The following BAIAP3 variants were observed in gnomAD, a reference collection of about 807,000 sequenced individuals.
BAIAP3 encodes BAI1 associated protein 3.
A neutral mutation model predicts 149.7 loss-of-function variants in BAIAP3; 180 were observed. That is an observed-to-expected ratio of 1.20 (90% CI 1.07 to 1.36). BAIAP3 has a LOEUF of 1.36. BAIAP3 is among the 40% of genes most tolerant of loss of function. The pLI is 0.00. For synonymous variants in BAIAP3, 845 were observed against 670.7 expected, an observed-to-expected ratio of 1.26 and a Z score of -4.02; for missense variants, 1,767 against 1,563.4, an observed-to-expected ratio of 1.13 and a Z score of -2.20.
chr16:1,339,270 G>A (rs1243041917), intron 4 of BAIAP3, 26 bp downstream of exon 4: 1 of 1,549,088 alleles, frequency 6.5e-7, no homozygotes. Context: ...GGAACCAGGG[G>A]CAGTCGTCTG....
rs1480091974 is a variant in BAIAP3, at chr16:1,342,935, G to T, written c.1184G>T (p.Gly395Val). Residue 395 changes from glycine to valine, a missense_variant, in exon 14 of 34, where the codon GGA (glycine) becomes GTA (valine). Transcript: ENST00000426824. The part of the protein sequence containing the change: ...AEEPNSSSWR[G>V]ELSTPAATIL... ...CAGCCCAACTCCAGCAGCTGGCGAG[G>T]AGAGCTCAGCACACCAGCCGCCACC... 6.2e-7 allele frequency: 1 copy of T among 1,612,150 alleles called. No homozygotes were observed.
chr16:1,341,573 C>T, intron 8 of BAIAP3, 84 bp downstream of exon 8: 3 of 1,482,694 alleles, frequency 2.0e-6, no homozygotes, highest in South Asian at 2.6e-5. Context: ...TGGTGGCTCG[C>T]AGCAGCTCCC....
At chr16:1,347,001 G>A (rs781052449) in intron 28 of BAIAP3, 46 bp downstream of exon 28, 2 of 1,525,460 alleles carry the variant, frequency 1.3e-6, no homozygotes, top group South Asian at 1.2e-5. Context: ...CCGCCTCAGG[G>A]CTGCTCTGAT....
intron 1 of BAIAP3, among the ~76,000 whole-genome samples, chr16:1,335,910 C>T (rs371555234): frequency 1.3e-5 from 2 of 152,198 alleles, no homozygotes; most frequent in African/African-American, 2.4e-5. Context: ...CCCAGCCCTG[C>T]GCCTCCGTTT....
At chr16:1,343,552 G>A (rs1163842704) in intron 15 of BAIAP3, 39 bp downstream of exon 15, 2 of 1,599,024 alleles carry the variant, frequency 1.3e-6, no homozygotes, top group Non-Finnish European at 8.5e-7. Context: ...CCATGGCGAA[G>A]GGAGTGCTGG....
At chr16:1,339,053 C>T (rs1350326658) in intron 3 of BAIAP3, 64 bp downstream of exon 3, 4 of 1,605,338 alleles carry the variant, frequency 2.5e-6, no homozygotes, top group Middle Eastern at 1.7e-4. Context: ...TTTGCTCCTC[C>T]CCGCTCCCTC....
Position 1,341,870 on chromosome 16 carries a change from C to A in BAIAP3, c.776+4C>A. Reference sequence around the variant, plus strand: ...ACCAGCTGCACCTGGACATCTGGTACAGGCCCCTGCGCCATGCAGGGCGGC... The same window carrying A: ...ACCAGCTGCACCTGGACATCTGGTAAAGGCCCCTGCGCCATGCAGGGCGGC... On this transcript the variant is annotated splice_donor_region_variant and intron_variant, in intron 9 of 33. Transcript: ENST00000426824. The A allele has an allele frequency of 6.2e-7, 1 of 1,611,668 alleles. No individual in the cohort carries two copies. Among genetic ancestry groups the A allele is most frequent in the East Asian group, 2.2e-5 (1 of 44,842 alleles).
At position 1,344,477 on chromosome 16, in the gene BAIAP3, C is replaced by T. The variant is rs1239902011; in HGVS notation, c.1611C>T (p.Asn537=). ...GGTGGTGTCTGTTGCAGAGAGGCAA[C>T]CGTGAGTGGTACGACAGGATCCTGA... ...MDIAAALKRG[N]REWYDRILND... is the part of the protein sequence containing the mutation. The change falls in exon 18 of 34, where the codon AAC becomes AAT. Residue 537 remains asparagine, a synonymous_variant. Coordinates refer to ENST00000426824, the MANE Select transcript of BAIAP3 (RefSeq NM_001199097.2). 6.2e-7 allele frequency: 1 copy of T among 1,613,504 alleles called. No individual in the cohort carries two copies. Among genetic ancestry groups the T allele is most frequent in the South Asian group, 1.1e-5 (1 of 91,064 alleles).
chr16:1,343,603 C>T, intron 15 of BAIAP3, 90 bp downstream of exon 15: 1 of 1,521,354 alleles, frequency 6.6e-7, no homozygotes, highest in Non-Finnish European at 8.9e-7. Flanking sequence ...GGGGCAGAGT[C>T]CTGCCCGCGT....
chr16:1,347,624 A>G lies in BAIAP3; in HGVS notation c.2903A>G (p.Gln968Arg). ...CAGTTCTACCTGGACAAGCTCAAACAGGTAGGGAGGCGCCAGGGACAGGGT... is the reference window on the plus strand; with the variant it reads ...CAGTTCTACCTGGACAAGCTCAAACGGGTAGGGAGGCGCCAGGGACAGGGT... ...IEQFYLDKLK[Q>R]RTLEQNRFGR... The change falls in exon 30 of 34, where the codon CAG becomes CGG. Residue 968 changes from glutamine to arginine, a missense_variant and splice_region_variant. By Grantham distance (43) the Gln-to-Arg change is conservative. Transcript: ENST00000426824. 1.2e-6 allele frequency: 2 copies of G among 1,612,976 alleles called. No homozygotes were observed. Among genetic ancestry groups the G allele is most frequent in the South Asian group, 2.2e-5 (2 of 91,088 alleles).
Position 1,348,725 on chromosome 16 carries a change from G to T in BAIAP3, c.*243G>T, listed in dbSNP as rs765144427. ...ACTTGGCAGGACTTGGCCAGCAGCT[G>T]CCCAGGACACAGTGCAGGCCAGAGC... On this transcript the variant is annotated 3_prime_UTR_variant, in exon 34 of 34. Transcript: ENST00000426824. 214 of 583,952 alleles carry T rather than the reference G, an allele frequency of 3.7e-4. 1 individual carries two copies. Among genetic ancestry groups the T allele is most frequent in the South Asian group, 8.0e-4 (40 of 50,162 alleles). 36.2% of individuals were successfully genotyped at this position (583,952 alleles called of 1,614,324 possible).
In BAIAP3 at chr16:1,339,065, TG is replaced by T. The variant is rs767363651; in HGVS notation, c.219+77del. 6.4e-5 allele frequency: 102 copies of T among 1,602,874 alleles called. No homozygotes were observed. The Admixed American group carries it at 1.7e-3, about 27-fold the overall frequency. On this transcript the variant is annotated intron_variant, in intron 3 of 33. Coordinates refer to ENST00000426824, the MANE Select transcript of BAIAP3 (RefSeq NM_001199097.2). ...CCCTTTGCTCCTCCCCGCTCCCTCC[TG>T]CCCTCGCTCCCACCTCCTGGGGCAC...
intron 1 of BAIAP3, among the ~76,000 whole-genome samples, chr16:1,337,550 C>T (rs1157889287): frequency 6.6e-6 from 1 of 152,144 alleles, no homozygotes; most frequent in Non-Finnish European, 1.5e-5. Flanking sequence ...CCAGCCTGGA[C>T]TCCATCTCAA....
rs776207595 is a variant in BAIAP3 at position 1,342,787 on chromosome 16, G to A, written c.1134G>A (p.Leu378=). The change falls in exon 13 of 34, where the codon CTG becomes CTA. Residue 378 remains leucine (L), a synonymous_variant. Coordinates refer to ENST00000426824, the MANE Select transcript of BAIAP3 (RefSeq NM_001199097.2). ...CCCACCTGCTGCTGCTCAGCCATCT[G>A]CTGCGGTTGGAGCACTCAGCAGAGG... ...FLSHLLLLSH[L]LRLEHSAEEP... is the part of the protein sequence containing the mutation. The A allele has an allele frequency of 2.1e-5, 34 of 1,612,570 alleles. No homozygotes were observed. Among genetic ancestry groups the A allele is most frequent in the Non-Finnish European group, 2.6e-5 (31 of 1,180,000 alleles).
chr16:1,342,885 T>C, intron 13 of BAIAP3, 28 bp from the exon 14 acceptor site: 1 of 1,611,916 alleles, frequency 6.2e-7, no homozygotes, highest in Non-Finnish European at 8.5e-7. Flanking sequence ...CTGTCCCGCC[T>C]CCACCCACGA....
Position 1,343,584 on chromosome 16 carries a change from G to A in BAIAP3, c.1386+71G>A, listed in dbSNP as rs570311177. 1.5e-4 allele frequency: 242 copies of A among 1,563,898 alleles called. 1 individual carries two copies. In the African/African-American group the frequency reaches 2.9e-3, roughly 19 times the overall value. On this transcript the variant is annotated intron_variant, in intron 15 of 33. Transcript: ENST00000426824. Reference sequence around the variant, plus strand: ...CTGGGGACTGGGGTCGCTCAGTGCCGGTCGGCGAGGGGCAGAGTCCTGCCC... The same window carrying A: ...CTGGGGACTGGGGTCGCTCAGTGCCAGTCGGCGAGGGGCAGAGTCCTGCCC...
intron 28 of BAIAP3, 36 bp downstream of exon 28, chr16:1,346,991 C>T (rs2141614704): frequency 3.2e-6 from 5 of 1,554,578 alleles, no homozygotes; most frequent in Non-Finnish European, 4.4e-6. Context: ...CCGCCGGCCC[C>T]CGCCTCAGGG....
chr16:1,344,826 A>G lies in BAIAP3; in HGVS notation c.1786A>G (p.Thr596Ala), dbSNP rs1358345519. 1 of 1,613,612 alleles carries G rather than the reference A, an allele frequency of 6.2e-7. No individual in the cohort carries two copies. Among genetic ancestry groups the G allele is most frequent in the Admixed American group, 1.7e-5 (1 of 60,002 alleles). Residue 596 changes from threonine to alanine, a missense_variant, in exon 20 of 34, where the codon ACC (threonine) becomes GCC (alanine). Transcript: ENST00000426824. ...SILNVDVFTL[T>A]FRQLERLVAE... ...CCTCAATGTGGACGTCTTCACCCTG[A>G]CCTTCCGGCAGCTGGAGCGTCTGGT...
chr16:1,342,769 G>T lies in BAIAP3; in HGVS notation c.1116G>T (p.Leu372=). 6.2e-7 allele frequency: 1 copy of T among 1,612,594 alleles called. No individual in the cohort carries two copies. Among genetic ancestry groups the T allele is most frequent in the Non-Finnish European group, 8.5e-7 (1 of 1,180,004 alleles). Reference sequence around the variant, plus strand: ...GGCGATCCGGCTTCCTGTCCCACCTGCTGCTGCTCAGCCATCTGCTGCGGT... The same window carrying T: ...GGCGATCCGGCTTCCTGTCCCACCTTCTGCTGCTCAGCCATCTGCTGCGGT... ...QRGRSGFLSH[L]LLLSHLLRLE... The change falls in exon 13 of 34, where the codon CTG becomes CTT. Residue 372 remains leucine (L), a synonymous_variant. Transcript: ENST00000426824.
Sources: allele counts gnomAD v4.1 joint callset (sites outside exome capture counted in the v4.1 genomes callset), GRCh38; gene constraint gnomAD v4.1.1; transcripts MANE v1.5; gene names NCBI Gene and HGNC (gene_info 2026-07-23, HGNC 2026-07-21).